OR2L13: variants seen among roughly 807,000 people sequenced by gnomAD.
OR2L13 encodes the protein olfactory receptor family 2 subfamily L member 13.
Under a neutral mutation model 15.3 loss-of-function variants are expected in OR2L13, and 14 were observed. The ratio of observed to expected loss-of-function variants is 0.91; its 90% CI spans 0.60 to 1.43. The LOEUF is 1.43. Ranked by LOEUF, OR2L13 falls within the 40% of genes most tolerant of loss-of-function variation. The pLI is 0.00. For synonymous variants in OR2L13, 152 were observed against 142.9 expected, an observed-to-expected ratio of 1.06 and a Z score of -0.45; for missense variants, 367 against 387.9, an observed-to-expected ratio of 0.95 and a Z score of 0.45.
the OR2L13 span, among the ~76,000 whole-genome samples, chr1:247,979,199 C>T: frequency 6.6e-6 from 1 of 150,970 alleles, no homozygotes; most frequent in Non-Finnish European, 1.5e-5. Flanking sequence ...TTCTAGGGTA[C>T]ATGTGCATAA....
chr1:248,013,211 C>T, the OR2L13 span, among the ~76,000 whole-genome samples: 1 of 151,982 alleles, frequency 6.6e-6, no homozygotes, highest in South Asian at 2.1e-4. Flanking sequence ...CTAAAATAAG[C>T]TAAATTGGGA....
chr1:247,949,436 C>A, the OR2L13 span: 48,974 of 1,601,838 alleles, frequency 0.031, 432 homozygotes, highest in African/African-American at 0.059. Context: ...ACACCTGGGT[C>A]TATGAGGGCA....
chr1:247,997,054 T>C, the OR2L13 span: 1 of 152,318 alleles, frequency 6.6e-6, no homozygotes, highest in East Asian at 1.9e-4. Context: ...TACAGGTTTC[T>C]TGGTTCCTTT....
the OR2L13 span, among the ~76,000 whole-genome samples, chr1:248,027,880 C>A: frequency 6.6e-6 from 1 of 152,060 alleles, no homozygotes; most frequent in Admixed American, 6.5e-5. Flanking sequence ...CATGTCCACA[C>A]CTGTGATCCC....
upstream of OR2L13, among the ~76,000 whole-genome samples, chr1:248,092,535 T>G (rs930418505): frequency 6.6e-6 from 1 of 152,164 alleles, no homozygotes; most frequent in Non-Finnish European, 1.5e-5. Flanking sequence ...TGTGGACTAC[T>G]CCATTCAACA....
the OR2L13 span, among the ~76,000 whole-genome samples, chr1:247,979,331 GC>G: frequency 1.3e-5 from 2 of 151,894 alleles, no homozygotes; most frequent in Non-Finnish European, 2.9e-5. Flanking sequence ...CCCCCAAAAG[GC>G]CCCAGTGTGT....
chr1:248,047,731 A>T, the OR2L13 span, among the ~76,000 whole-genome samples: 2 of 152,204 alleles, frequency 1.3e-5, no homozygotes, highest in African/African-American at 4.8e-5. Flanking sequence ...GTATGTGGAA[A>T]CAATGTGAAG....
Position 248,099,967 on chromosome 1 carries a change from GT to G in OR2L13, c.597del (p.Phe199LeufsTer2), listed in dbSNP as rs1157797094. 6.2e-7 allele frequency: 1 copy of G among 1,613,888 alleles called. No individual in the cohort carries two copies. Among genetic ancestry groups the G allele is most frequent in the Non-Finnish European group, 8.5e-7 (1 of 1,179,978 alleles). On this transcript the variant is annotated frameshift_variant, in exon 3 of 3. Transcript: ENST00000641714. LOFTEE classifies it high-confidence loss of function. ...AGATACTTGGGTCTATGAATATATG[GT>G]TTTTGTAAGTACAAGCCTCTTTCTC...
chr1:247,973,933 T>C, the OR2L13 span, among the ~76,000 whole-genome samples: 1 of 152,198 alleles, frequency 6.6e-6, no homozygotes. Context: ...CCTGGGTATA[T>C]ACCTAAAGGA....
chr1:248,015,054 A>G, the OR2L13 span, among the ~76,000 whole-genome samples: 5 of 152,184 alleles, frequency 3.3e-5, no homozygotes, highest in African/African-American at 9.7e-5. Context: ...GAGCTGATGC[A>G]CTATCGTGGA....
chr1:247,983,992 C>T, the OR2L13 span, among the ~76,000 whole-genome samples: 44 of 152,092 alleles, frequency 2.9e-4, no homozygotes, highest in East Asian at 7.7e-3. Context: ...CTTTTCTACC[C>T]GGTGGTCTGG....
chr1:248,012,487 T>C, the OR2L13 span, among the ~76,000 whole-genome samples: 5,655 of 152,224 alleles, frequency 0.037, 315 homozygotes, highest in African/African-American at 0.13. Flanking sequence ...CACCTCTACC[T>C]GCATCTAATA....
chr1:247,967,045 C>CCACACACACACACACACACACACACA, the OR2L13 span, among the ~76,000 whole-genome samples: 595 of 147,498 alleles, frequency 4.0e-3, 3 homozygotes, highest in Admixed American at 4.6e-3. Context: ...ACACCACACA[C>CCACACACACACACACACACACACACA]CACACACACA....
the OR2L13 span, chr1:247,949,228 C>G: frequency 8.1e-6 from 13 of 1,614,208 alleles, no homozygotes; most frequent in Non-Finnish European, 1.1e-5. Context: ...CGTTACATTG[C>G]TATTTGCTTT....
the OR2L13 span, chr1:248,003,837 C>G: frequency 0.061 from 98,490 of 1,612,824 alleles, 2,074 homozygotes; most frequent in East Asian, 0.18. Context: ...AAGAAGAAGG[C>G]CTACCTGACC....
the OR2L13 span, among the ~76,000 whole-genome samples, chr1:248,031,405 G>T: frequency 6.6e-6 from 1 of 152,202 alleles, no homozygotes; most frequent in Non-Finnish European, 1.5e-5. Flanking sequence ...CTGGTAGAAA[G>T]AAAGACTTTT....
At chr1:248,056,754 T>A in the OR2L13 span, among the ~76,000 whole-genome samples, 1 of 150,724 alleles carries the variant, frequency 6.6e-6, no homozygotes, top group African/African-American at 2.4e-5. Flanking sequence ...TTCAAGCAAT[T>A]CTCCTGCCTC....
chr1:248,002,554 T>G, the OR2L13 span, among the ~76,000 whole-genome samples: 1 of 152,312 alleles, frequency 6.6e-6, no homozygotes, highest in South Asian at 2.1e-4. Context: ...TCAAAATTTC[T>G]TCGCTTTTAA....
the OR2L13 span, chr1:248,003,644 G>A: frequency 2.3e-5 from 37 of 1,611,958 alleles, 1 homozygote; most frequent in African/African-American, 4.8e-4. Flanking sequence ...CCCATCTAGG[G>A]TTATCAATCA....
Sources: allele counts gnomAD v4.1 joint callset (sites outside exome capture counted in the v4.1 genomes callset), GRCh38; gene constraint gnomAD v4.1.1; transcripts MANE v1.5; gene names NCBI Gene and HGNC (gene_info 2026-07-23, HGNC 2026-07-21).